Variants in RABGAP1L observed in about 807,000 individuals in gnomAD.
RABGAP1L encodes rab GTPase-activating protein 1-like.
In RABGAP1L, 63 loss-of-function variants were observed where a neutral mutation model predicts 137.7. The observed-to-expected ratio is 0.46, with a 90% CI of 0.37 to 0.56. The LOEUF is 0.56. Ranked by LOEUF, RABGAP1L falls within the 20% of genes least tolerant of loss-of-function variation. The probability of loss-of-function intolerance (pLI) is 0.00; values close to 1 mark genes in which losing one functional copy is unlikely to be tolerated. For synonymous variants in RABGAP1L, 431 were observed against 433.7 expected (o/e 0.99, Z 0.08); for missense variants, 1,095 against 1,244.0 (o/e 0.88, Z 1.80).
intron 18 of RABGAP1L, among the ~76,000 whole-genome samples, chr1:174,798,495 C>A (rs1688451551): frequency 1.3e-5 from 2 of 151,846 alleles, no homozygotes; most frequent in African/African-American, 4.8e-5. Context: ...TTAAATAATA[C>A]TTAAATGTTA....
chr1:174,697,237 G>A (rs1005443664), intron 15 of RABGAP1L, among the ~76,000 whole-genome samples: 3 of 152,088 alleles, frequency 2.0e-5, no homozygotes, highest in African/African-American at 7.2e-5. Context: ...CCCTTTATAA[G>A]ACATCAGATG....
chr1:174,963,973 G>A (rs1474916269), intron 20 of RABGAP1L, among the ~76,000 whole-genome samples: 2 of 152,012 alleles, frequency 1.3e-5, no homozygotes, highest in East Asian at 3.8e-4. Context: ...TTTGTTTTTA[G>A]TTTGACATTT....
intron 1 of RABGAP1L, among the ~76,000 whole-genome samples, chr1:174,208,614 C>T (rs920892411): frequency 1.3e-5 from 2 of 152,030 alleles, no homozygotes; most frequent in South Asian, 2.1e-4. Flanking sequence ...GCCAGTCTTT[C>T]GTACCTGGTA....
chr1:174,701,155 A>C, intron 16 of RABGAP1L: 20 of 1,304,536 alleles, frequency 1.5e-5, no homozygotes, highest in Non-Finnish European at 2.0e-5. Flanking sequence ...GGTAATAGCT[A>C]TGCTAATACT....
At chr1:174,311,490 G>T (rs542619639) in intron 11 of RABGAP1L, among the ~76,000 whole-genome samples, 10 of 152,114 alleles carry the variant, frequency 6.6e-5, no homozygotes, top group Non-Finnish European at 1.5e-4. Flanking sequence ...CAATTGTTTT[G>T]ATTTTTAGAT....
chr1:174,308,734 G>T (rs1678539383), intron 11 of RABGAP1L, among the ~76,000 whole-genome samples: 1 of 151,994 alleles, frequency 6.6e-6, no homozygotes, highest in African/African-American at 2.4e-5. Flanking sequence ...TGGTCTATAT[G>T]TCTGTTTTTA....
intron 13 of RABGAP1L, among the ~76,000 whole-genome samples, chr1:174,474,367 A>G (rs1470011594): frequency 6.6e-6 from 1 of 152,198 alleles, no homozygotes; most frequent in Non-Finnish European, 1.5e-5. Flanking sequence ...TGGTTAACCA[A>G]AGAGAATTCC....
intron 17 of RABGAP1L, among the ~76,000 whole-genome samples, chr1:174,714,749 T>C (rs1680861163): frequency 6.6e-6 from 1 of 152,168 alleles, no homozygotes; most frequent in African/African-American, 2.4e-5. Context: ...TCGTCTGTAT[T>C]ATTCTCTATC....
intron 13 of RABGAP1L, among the ~76,000 whole-genome samples, chr1:174,623,941 A>C (rs1672743441): frequency 6.6e-6 from 1 of 152,218 alleles, no homozygotes; most frequent in Non-Finnish European, 1.5e-5. Context: ...TCAGATAGTA[A>C]AAGCAGATGA....
intron 15 of RABGAP1L, among the ~76,000 whole-genome samples, chr1:174,698,027 G>A (rs191394842): frequency 3.9e-5 from 6 of 152,322 alleles, no homozygotes; most frequent in Admixed American, 2.0e-4. Context: ...TGATTTGTAT[G>A]AAATCTTGTA....
intron 14 of RABGAP1L, among the ~76,000 whole-genome samples, chr1:174,660,758 C>T (rs1463358267): frequency 6.6e-6 from 1 of 152,176 alleles, no homozygotes; most frequent in Non-Finnish European, 1.5e-5. Context: ...TGTTTTTTAA[C>T]CTCTCTGAAT....
intron 19 of RABGAP1L, among the ~76,000 whole-genome samples, chr1:174,921,675 C>G (rs1050537439): frequency 3.9e-5 from 6 of 152,194 alleles, no homozygotes; most frequent in African/African-American, 1.4e-4. Context: ...TTATCAGCTG[C>G]TAACGAACTG....
intron 14 of RABGAP1L, among the ~76,000 whole-genome samples, chr1:174,651,942 A>G (rs956243602): frequency 1.3e-5 from 2 of 152,144 alleles, no homozygotes; most frequent in East Asian, 1.9e-4. Context: ...GATGGTCTTT[A>G]CAATTTGGCA....
chr1:174,668,374 A>G (rs1158703983), intron 14 of RABGAP1L, among the ~76,000 whole-genome samples: 3 of 152,102 alleles, frequency 2.0e-5, no homozygotes, highest in East Asian at 3.8e-4. Context: ...TTGTTTTTCT[A>G]TGCCTGGCAT....
intron 19 of RABGAP1L, among the ~76,000 whole-genome samples, chr1:174,924,853 A>G (rs2149241469): frequency 6.6e-6 from 1 of 152,260 alleles, no homozygotes; most frequent in East Asian, 1.9e-4. Flanking sequence ...TAAACACAAT[A>G]CCTAAGTAAA....
chr1:174,198,172 A>G (rs1444977048), intron 1 of RABGAP1L, among the ~76,000 whole-genome samples: 1 of 152,220 alleles, frequency 6.6e-6, no homozygotes, highest in African/African-American at 2.4e-5. Context: ...ACTGACTATA[A>G]AAGTGATTGA....
rs200307967 is a variant in RABGAP1L at position 174,551,001 on chromosome 1, T to C, written c.1711-86374T>C. ...ATATATACATATATATATATACACA[T>C]ATATATATATATATATATATACATA... On this transcript the variant is annotated intron_variant, in intron 13 of 25. Transcript: ENST00000681986. Among the ~76,000 whole-genome samples the C allele has an allele frequency of 6.6e-3, 635 of 95,846 alleles. 15 individuals are homozygous for C. Among genetic ancestry groups the C allele is most frequent in the Middle Eastern group, 0.038 (6 of 156 alleles). The allele number at this position is 95,846 out of a possible 152,430, so 62.9% of individuals were successfully genotyped here.
At chr1:174,865,523 A>T (rs1300617074) in intron 19 of RABGAP1L, among the ~76,000 whole-genome samples, 1 of 152,236 alleles carries the variant, frequency 6.6e-6, no homozygotes, top group African/African-American at 2.4e-5. Context: ...CACAGGCAAG[A>T]ACTCCTAAGA....
At chr1:174,593,218 A>G (rs1210571607) in intron 13 of RABGAP1L, among the ~76,000 whole-genome samples, 18 of 68,500 alleles carry the variant, frequency 2.6e-4, no homozygotes, top group African/African-American at 1.7e-3. Flanking sequence ...ATCATTTTTT[A>G]TTGTGTCTAT....
Sources: allele counts gnomAD v4.1 joint callset (sites outside exome capture counted in the v4.1 genomes callset), GRCh38; gene constraint gnomAD v4.1.1; transcripts MANE v1.5; gene names NCBI Gene and HGNC (gene_info 2026-07-23, HGNC 2026-07-21).